The following LRRC52 variants were observed in gnomAD, a reference collection of about 807,000 sequenced individuals.
LRRC52 encodes the protein leucine rich repeat containing 52, also known as leucine-rich repeat-containing protein 52.
Under a neutral mutation model 14.7 loss-of-function variants are expected in LRRC52, and 15 were observed. The ratio of observed to expected loss-of-function variants is 1.02; its 90% CI spans 0.68 to 1.58. The LOEUF (loss-of-function observed/expected upper bound fraction) is 1.58, where lower values mean the gene tolerates loss of function less well. Ranked by LOEUF, LRRC52 falls within the 40% of genes most tolerant of loss-of-function variation. The pLI, the probability that LRRC52 is intolerant of heterozygous loss-of-function variation, is 0.00. For synonymous variants in LRRC52, 180 were observed against 163.9 expected, an observed-to-expected ratio of 1.10 and a Z score of -0.75; for missense variants, 400 against 387.7, an observed-to-expected ratio of 1.03 and a Z score of -0.27.
chr1:165,544,802 C>A lies in LRRC52; in HGVS notation c.506C>A (p.Ala169Asp). 1.9e-6 allele frequency: 3 copies of A among 1,614,056 alleles called. No individual in the cohort carries two copies. The highest frequency in any genetic ancestry group is 2.5e-6 in the Non-Finnish European group (3 of 1,180,014). The stretch of plus-strand genomic sequence containing the variant: ...GGCTTGCAGACCCTGGACAGTGCTG[C>A]CTTATACCACCTCACTACTCTGGAG... ...NTGLQTLDSA[A>D]LYHLTTLETL... The change falls in exon 1 of 2, where the codon GCC becomes GAC. Residue 169 changes from alanine to aspartate, a missense_variant. Transcript: ENST00000294818.
intron 1 of LRRC52, among the ~76,000 whole-genome samples, chr1:165,557,844 C>G (rs1332130140): frequency 6.6e-6 from 1 of 152,214 alleles, no homozygotes; most frequent in Non-Finnish European, 1.5e-5. Context: ...CACCCTCTTG[C>G]TTTCCATTGC....
chr1:165,544,292 T>G lies in LRRC52; in HGVS notation c.-5T>G. 1 of 1,596,588 alleles carries G rather than the reference T, an allele frequency of 6.3e-7. No homozygotes were observed. The highest frequency in any genetic ancestry group is 1.4e-5 in the African/African-American group (1 of 73,812). On this transcript the variant is annotated 5_prime_UTR_variant, in exon 1 of 2. Coordinates refer to ENST00000294818, the MANE Select transcript of LRRC52 (RefSeq NM_001005214.4). ...GTGAAAGGAGGGTGGTTGTGGCTTC[T>G]TACTATGTCCCTTGCTTCAGGCCCT...
chr1:165,561,512 C>T (rs1661344347), intron 1 of LRRC52, among the ~76,000 whole-genome samples: 1 of 152,226 alleles, frequency 6.6e-6, no homozygotes, highest in Admixed American at 6.5e-5. Context: ...CAGAGGTCCT[C>T]AAGCCAGGCT....
At chr1:165,549,639 C>A (rs7535829) in intron 1 of LRRC52, among the ~76,000 whole-genome samples, 25,823 of 152,090 alleles carry the variant, frequency 0.17, 2,940 homozygotes, top group African/African-American at 0.32. Flanking sequence ...CAGTGGAGAA[C>A]CTTGAAGGAA....
chr1:165,561,323 T>G (rs1442026924), intron 1 of LRRC52, among the ~76,000 whole-genome samples: 1 of 152,180 alleles, frequency 6.6e-6, no homozygotes, highest in Non-Finnish European at 1.5e-5. Context: ...CCTAGACACA[T>G]CCCAGACCCT....
chr1:165,553,752 G>A (rs577540179), intron 1 of LRRC52, among the ~76,000 whole-genome samples: 1 of 152,256 alleles, frequency 6.6e-6, no homozygotes, highest in East Asian at 1.9e-4. Context: ...AAGGAGGCGA[G>A]GGTAAACATA....
At chr1:165,561,901 C>T (rs557802131) in intron 1 of LRRC52, among the ~76,000 whole-genome samples, 7 of 152,328 alleles carry the variant, frequency 4.6e-5, no homozygotes, top group East Asian at 3.9e-4. Flanking sequence ...ATGCCTTCTC[C>T]CCAGCCAACT....
chr1:165,548,065 G>T (rs1273288012), intron 1 of LRRC52, among the ~76,000 whole-genome samples: 1 of 152,178 alleles, frequency 6.6e-6, no homozygotes, highest in East Asian at 1.9e-4. Flanking sequence ...TGGAGCCCAT[G>T]TATCTCTCTA....
At position 165,563,805 on chromosome 1, in the gene LRRC52, A is replaced by G; in HGVS notation, c.923A>G (p.Glu308Gly). ...IFQTQTSSVQ[E>G]FPQLI ...CAAACCCAGACGAGCTCGGTCCAGGAGTTCCCTCAGCTTATTTAGTTGCCA... is the reference window on the plus strand; with the variant it reads ...CAAACCCAGACGAGCTCGGTCCAGGGGTTCCCTCAGCTTATTTAGTTGCCA... The change falls in exon 2 of 2, where the codon GAG becomes GGG. Residue 308 changes from glutamate to glycine, a missense_variant. Glu to Gly is a moderately conservative substitution (Grantham distance 98). Transcript: ENST00000294818. 1 of 1,614,046 alleles carries G rather than the reference A, an allele frequency of 6.2e-7. No individual in the cohort carries two copies. Among genetic ancestry groups the G allele is most frequent in the South Asian group, 1.1e-5 (1 of 91,062 alleles).
At position 165,544,320 on chromosome 1, in the gene LRRC52, C is replaced by T. The variant is rs747363519; in HGVS notation, c.24C>T (p.Gly8=). Residue 8 remains glycine, a synonymous_variant, in exon 1 of 2, where the codon GGC becomes GGT. Transcript: ENST00000294818. ...CTATGTCCCTTGCTTCAGGCCCTGGCCCTGGGTGGTTACTCTTTTCCTTTG... is the reference window on the plus strand; with the variant it reads ...CTATGTCCCTTGCTTCAGGCCCTGGTCCTGGGTGGTTACTCTTTTCCTTTG... The part of the protein sequence containing the change: MSLASGP[G]PGWLLFSFGM... 72 of 1,613,172 alleles carry T rather than the reference C, an allele frequency of 4.5e-5. No homozygotes were observed. Among genetic ancestry groups the T allele is most frequent in the South Asian group, 2.3e-4 (21 of 91,034 alleles).
intron 1 of LRRC52, among the ~76,000 whole-genome samples, chr1:165,558,179 A>T (rs570228744): frequency 7.2e-5 from 11 of 152,358 alleles, no homozygotes; most frequent in African/African-American, 2.6e-4. Flanking sequence ...TTTGAGCAAT[A>T]TGTTGTGTAC....
rs751928456 is a variant in LRRC52 at position 165,544,415 on chromosome 1, C to A, written c.119C>A (p.Thr40Lys). The A allele has an allele frequency of 6.2e-7, 1 of 1,614,142 alleles. No homozygotes were observed. The highest frequency in any genetic ancestry group is 8.5e-7 in the Non-Finnish European group (1 of 1,180,024). The change falls in exon 1 of 2, where the codon ACA becomes AAA. Residue 40 changes from threonine (T) to lysine (K), a missense_variant. Transcript: ENST00000294818. Reference sequence around the variant, plus strand: ...TGTCAAGCCCAAGAAGTAATCTGCACAGGGAAGCAGTTAACCGAATACCCC... The same window carrying A: ...TGTCAAGCCCAAGAAGTAATCTGCAAAGGGAAGCAGTTAACCGAATACCCC... ...CLCQAQEVIC[T>K]GKQLTEYPLD...
chr1:165,544,710 G>A lies in LRRC52; in HGVS notation c.414G>A (p.Leu138=), dbSNP rs553958883. The A allele has an allele frequency of 6.2e-7, 1 of 1,613,934 alleles. No homozygotes were observed. Among genetic ancestry groups the A allele is most frequent in the South Asian group, 1.1e-5 (1 of 91,040 alleles). Residue 138 remains leucine, a synonymous_variant, in exon 1 of 2, where the codon CTG becomes CTA. Coordinates refer to ENST00000294818, the MANE Select transcript of LRRC52 (RefSeq NM_001005214.4). The part of the protein sequence containing the change: ...VQLNIANNPH[L]LSLHKFTFAN... ...TGAACATTGCCAACAACCCTCACCTGTTATCGCTTCACAAGTTCACCTTTG... is the reference window on the plus strand; with the variant it reads ...TGAACATTGCCAACAACCCTCACCTATTATCGCTTCACAAGTTCACCTTTG...
Position 165,563,931 on chromosome 1 carries a change from T to C in LRRC52, c.*107T>C, listed in dbSNP as rs1209507474. On this transcript the variant is annotated 3_prime_UTR_variant, in exon 2 of 2. Coordinates refer to ENST00000294818, the MANE Select transcript of LRRC52 (RefSeq NM_001005214.4). ...TGTCATAGAGATTGAAACCTTCTAG[T>C]AAAATAAATAAAATCTCTGATGGCC... The C allele has an allele frequency of 8.6e-6, 10 of 1,166,732 alleles. No individual in the cohort carries two copies. Among genetic ancestry groups the C allele is most frequent in the Non-Finnish European group, 1.2e-5 (10 of 823,940 alleles). The allele number at this position is 1,166,732 out of a possible 1,614,324, so 72.3% of individuals were successfully genotyped here.
At chr1:165,550,127 A>G (rs1172126590) in intron 1 of LRRC52, among the ~76,000 whole-genome samples, 1 of 152,134 alleles carries the variant, frequency 6.6e-6, no homozygotes, top group East Asian at 1.9e-4. Flanking sequence ...CAGCACTGTT[A>G]TTTTCCAGTC....
rs773429734 is a variant in LRRC52 at position 165,563,650 on chromosome 1, C to T, written c.768C>T (p.Phe256=). 13 of 1,614,186 alleles carry T rather than the reference C, an allele frequency of 8.1e-6. 1 individual carries two copies. The highest frequency in any genetic ancestry group is 6.7e-5 in the African/African-American group (5 of 75,044). The change falls in exon 2 of 2, where the codon TTC becomes TTT. Residue 256 remains phenylalanine, a synonymous_variant. Coordinates refer to ENST00000294818, the MANE Select transcript of LRRC52 (RefSeq NM_001005214.4). ...TGCTGCTCATCGGCTTCTGCATCTT[C>T]GCCGCGGGAACTGTGGCTGCCTGGC... ...IFLLLIGFCI[F]AAGTVAAWLT...
intron 1 of LRRC52, among the ~76,000 whole-genome samples, chr1:165,551,322 C>T (rs1225907158): frequency 6.6e-6 from 1 of 152,204 alleles, no homozygotes; most frequent in African/African-American, 2.4e-5. Flanking sequence ...ATTCAGTCAA[C>T]TCTTCATGCC....
At chr1:165,553,427 T>C (rs999619667) in intron 1 of LRRC52, among the ~76,000 whole-genome samples, 7 of 152,174 alleles carry the variant, frequency 4.6e-5, no homozygotes, top group African/African-American at 1.7e-4. Context: ...GGCTATGAAC[T>C]GAACATAAAA....
At chr1:165,548,622 G>A (rs534245873) in intron 1 of LRRC52, among the ~76,000 whole-genome samples, 12 of 152,210 alleles carry the variant, frequency 7.9e-5, no homozygotes, top group South Asian at 2.1e-4. Flanking sequence ...TAAAATTGAC[G>A]GGTTATAATT....
Sources: gnomAD v4.1 joint callset for allele counts (sites outside exome capture counted in the v4.1 genomes callset) on GRCh38, gnomAD v4.1.1 for gene constraint, MANE v1.5 for transcripts, NCBI Gene and HGNC (gene_info 2026-07-23, HGNC 2026-07-21) for gene names.